AGMO: variants seen among roughly 807,000 people sequenced by gnomAD.
AGMO encodes the protein glyceryl-ether monooxygenase.
AGMO carries 75 observed loss-of-function variants against 60.2 expected under a neutral mutation model. That is an observed-to-expected ratio of 1.25 (90% CI 1.03 to 1.51). AGMO has a LOEUF of 1.51. Among genes scored for constraint, AGMO ranks in the 40% most tolerant of loss-of-function variants. The probability of loss-of-function intolerance (pLI) is 0.00; values close to 1 mark genes in which losing one functional copy is unlikely to be tolerated. For synonymous variants in AGMO, 261 were observed against 177.1 expected (o/e 1.47, Z -3.76); for missense variants, 763 against 525.5 (o/e 1.45, Z -4.42).
At position 15,476,039 on chromosome 7, in the gene AGMO, T is replaced by C. The variant is rs909781120; in HGVS notation, c.410-44931A>G. ...AGATAGATGCTGGGTCTGGTTTAAA[T>C]TGGACTCAAGACAAAATTTTTGGAT... On this transcript the variant is annotated intron_variant, in intron 3 of 12. Transcript: ENST00000342526. 4.6e-5 allele frequency among the ~76,000 whole-genome samples: 7 copies of C among 152,186 alleles called. No individual in the cohort carries two copies. The East Asian group carries it at 5.8e-4, about 13-fold the overall frequency.
intron 12 of AGMO, among the ~76,000 whole-genome samples, chr7:15,278,215 G>A (rs533578904): frequency 1.7e-4 from 26 of 152,286 alleles, no homozygotes; most frequent in African/African-American, 6.0e-4. Flanking sequence ...CTCCAATGCA[G>A]TAACACTGCT....
At position 15,204,838 on chromosome 7, in the gene AGMO, CTCAGT is replaced by C. The variant is rs554080326; in HGVS notation, c.1264-3484_1264-3480del. 8.5e-5 allele frequency among the ~76,000 whole-genome samples: 13 copies of C among 152,214 alleles called. No individual in the cohort carries two copies. The East Asian group carries it at 2.5e-3, about 29-fold the overall frequency. The stretch of plus-strand genomic sequence containing the variant: ...ACTGGTGTTTTATTCTGCTGCTCCT[CTCAGT>C]TATGTGTGTGTGTGTTTGTTGCTTT... On this transcript the variant is annotated intron_variant, in intron 12 of 12. Coordinates refer to ENST00000342526, the MANE Select transcript of AGMO (RefSeq NM_001004320.2).
intron 3 of AGMO, among the ~76,000 whole-genome samples, chr7:15,515,958 T>C (rs1233763198): frequency 6.6e-6 from 1 of 152,096 alleles, no homozygotes; most frequent in Non-Finnish European, 1.5e-5. Context: ...GTTCAAGAGA[T>C]CGATCGTACA....
the AGMO span, among the ~76,000 whole-genome samples, chr7:15,151,256 TA>T: frequency 6.6e-6 from 1 of 152,160 alleles, no homozygotes; most frequent in Non-Finnish European, 1.5e-5. Context: ...CCATCTTATT[TA>T]TTCATTCAAA....
At chr7:15,139,359 CT>C in the AGMO span, among the ~76,000 whole-genome samples, 1 of 152,036 alleles carries the variant, frequency 6.6e-6, no homozygotes, top group Non-Finnish European at 1.5e-5. Context: ...ATGTTGTATT[CT>C]TTCTTTAACT....
chr7:15,232,559 G>C (rs1328256131), intron 12 of AGMO, among the ~76,000 whole-genome samples: 1 of 152,130 alleles, frequency 6.6e-6, no homozygotes, highest in Non-Finnish European at 1.5e-5. Flanking sequence ...ATCAGTTAAT[G>C]AATGTCAAAG....
At chr7:15,355,623 T>C (rs1284358626) in intron 12 of AGMO, among the ~76,000 whole-genome samples, 1 of 151,778 alleles carries the variant, frequency 6.6e-6, no homozygotes, top group Non-Finnish European at 1.5e-5. Flanking sequence ...GTTGTACAAA[T>C]GGAAACTGGT....
chr7:15,147,542 T>A, the AGMO span, among the ~76,000 whole-genome samples: 1 of 152,084 alleles, frequency 6.6e-6, no homozygotes, highest in Non-Finnish European at 1.5e-5. Flanking sequence ...CACGTGGGAA[T>A]TATGGGAGCT....
intron 8 of AGMO, among the ~76,000 whole-genome samples, chr7:15,389,519 A>T (rs1212655133): frequency 2.0e-5 from 3 of 152,198 alleles, no homozygotes; most frequent in Admixed American, 6.5e-5. Flanking sequence ...GTTGAGAAGA[A>T]AGAAGAGAGA....
At chr7:15,362,433 T>C (rs1782802533) in intron 12 of AGMO, among the ~76,000 whole-genome samples, 1 of 149,254 alleles carries the variant, frequency 6.7e-6, no homozygotes, top group Non-Finnish European at 1.5e-5. Flanking sequence ...CTTGTGGTTT[T>C]AATAATAATA....
chr7:15,249,816 C>A (rs2128506061), intron 12 of AGMO, among the ~76,000 whole-genome samples: 1 of 152,256 alleles, frequency 6.6e-6, no homozygotes. Context: ...ATACTTTCCC[C>A]AGATGTGAAA....
At chr7:15,193,900 A>G in the AGMO span, among the ~76,000 whole-genome samples, 1 of 152,140 alleles carries the variant, frequency 6.6e-6, no homozygotes. Flanking sequence ...ACAACAAATA[A>G]ATTTCTAGGC....
At chr7:15,384,720 C>T (rs1420259276) in intron 10 of AGMO, among the ~76,000 whole-genome samples, 1 of 151,336 alleles carries the variant, frequency 6.6e-6, no homozygotes, top group Non-Finnish European at 1.5e-5. Flanking sequence ...CACCTACTTA[C>T]AATTTAGTTA....
intron 5 of AGMO, among the ~76,000 whole-genome samples, chr7:15,395,276 C>G (rs546678810): frequency 8.8e-4 from 133 of 151,928 alleles, no homozygotes; most frequent in Non-Finnish European, 1.4e-3. Flanking sequence ...TAGTCACTGA[C>G]AATTATGACA....
intron 3 of AGMO, among the ~76,000 whole-genome samples, chr7:15,458,038 T>TG (rs1325358124): frequency 2.6e-5 from 4 of 152,334 alleles, no homozygotes; most frequent in Admixed American, 6.5e-5. Flanking sequence ...TTCTCTCACT[T>TG]GCCTACAAGA....
chr7:15,376,893 G>C (rs553829458), intron 10 of AGMO, among the ~76,000 whole-genome samples: 3 of 152,168 alleles, frequency 2.0e-5, no homozygotes, highest in African/African-American at 7.2e-5. Context: ...GTTTCAGTAA[G>C]AAAGGAATGT....
intron 10 of AGMO, among the ~76,000 whole-genome samples, chr7:15,384,048 G>A (rs769478524): frequency 6.6e-6 from 1 of 152,048 alleles, no homozygotes; most frequent in South Asian, 2.1e-4. Context: ...TCATTCTTCT[G>A]CCTCAGCCTC....
chr7:15,123,585 T>C, the AGMO span, among the ~76,000 whole-genome samples: 50 of 152,206 alleles, frequency 3.3e-4, no homozygotes, highest in African/African-American at 1.2e-3. Context: ...TCACAGACTT[T>C]TGATAATGTA....
the AGMO span, among the ~76,000 whole-genome samples, chr7:15,170,192 C>A: frequency 1.3e-5 from 2 of 152,284 alleles, no homozygotes; most frequent in East Asian, 1.9e-4. Context: ...TGGCCAGGAG[C>A]TGAAAGGGAG....
Sources: gnomAD v4.1 joint callset for allele counts (sites outside exome capture counted in the v4.1 genomes callset) on GRCh38, gnomAD v4.1.1 for gene constraint, MANE v1.5 for transcripts, NCBI Gene and HGNC (gene_info 2026-07-23, HGNC 2026-07-21) for gene names.